Variants in SYT12 observed in about 807,000 individuals in gnomAD.
The protein encoded by SYT12 is synaptotagmin 12, also known as synaptotagmin-12.
Under a neutral mutation model 39.5 loss-of-function variants are expected in SYT12, and 27 were observed. The ratio of observed to expected loss-of-function variants is 0.68; its 90% CI spans 0.50 to 0.94. The LOEUF (loss-of-function observed/expected upper bound fraction) is 0.94, where lower values mean the gene tolerates loss of function less well. Ranked by LOEUF, SYT12 falls within the 40% of genes least tolerant of loss-of-function variation. The pLI is 0.00. For missense variants in SYT12, 536 were observed against 572.6 expected (o/e 0.94, Z 0.65); for synonymous variants, 233 against 239.7 (o/e 0.97, Z 0.26).
chr11:67,009,936 G>GTTTACATCCTC (rs1374684771), exon 2 of SYT12: 2 of 152,350 alleles, frequency 1.3e-5, no homozygotes, highest in African/African-American at 2.4e-5. Flanking sequence ...AGGATGAAGA[G>GTTTACATCCTC]TTTACATCCT....
chr11:67,009,178 G>C (rs1257616758), intron 1 of SYT12, among the ~76,000 whole-genome samples: 1 of 152,064 alleles, frequency 6.6e-6, no homozygotes, highest in Non-Finnish European at 1.5e-5. Flanking sequence ...GCTAATTTTT[G>C]TATTTTTTGT....
At chr11:67,039,674 T>G in intron 3 of SYT12, 137 bp from the exon 4 acceptor site, 1 of 1,073,038 alleles carries the variant, frequency 9.3e-7, no homozygotes. Flanking sequence ...CCTTCCTAGC[T>G]AAGGGATGCA....
intron 2 of SYT12, among the ~76,000 whole-genome samples, chr11:67,010,364 G>A (rs943931946): frequency 1.3e-5 from 2 of 152,168 alleles, no homozygotes; most frequent in African/African-American, 4.8e-5. Flanking sequence ...CCTTGCCCAG[G>A]TCCAGGCTCC....
intron 4 of SYT12, 86 bp downstream of exon 4, chr11:67,040,289 A>G (rs1950485553): frequency 6.7e-7 from 1 of 1,499,668 alleles, no homozygotes; most frequent in Non-Finnish European, 8.9e-7. Context: ...GCCCGGCAGG[A>G]TCCCAGAAAG....
At chr11:67,034,494 G>A (rs1245838273) in intron 2 of SYT12, 151 bp from the exon 3 acceptor site, 1 of 637,268 alleles carries the variant, frequency 1.6e-6, no homozygotes, top group African/African-American at 1.9e-5. Flanking sequence ...ACACAGGAAA[G>A]TGTATGTCTT....
At chr11:67,029,884 A>G (rs1326464329) in intron 1 of SYT12, 2 of 468,222 alleles carry the variant, frequency 4.3e-6, no homozygotes, top group African/African-American at 2.0e-5. Flanking sequence ...AAAATCTGAA[A>G]TTCACATGCC....
chr11:67,045,510 G>C (rs1290492434), intron 6 of SYT12: 1 of 576,268 alleles, frequency 1.7e-6, no homozygotes, highest in Non-Finnish European at 3.0e-6. Flanking sequence ...GGAGCGCGTG[G>C]GCTGTGAGGC....
At chr11:67,024,533 C>T (rs1591357093) in intron 1 of SYT12, among the ~76,000 whole-genome samples, 1 of 152,148 alleles carries the variant, frequency 6.6e-6, no homozygotes, top group African/African-American at 2.4e-5. Flanking sequence ...AGGCTGGCAG[C>T]GCTGCCCACA....
intron 1 of SYT12, among the ~76,000 whole-genome samples, chr11:67,025,642 G>T (rs1950171400): frequency 6.6e-6 from 1 of 152,176 alleles, no homozygotes; most frequent in African/African-American, 2.4e-5. Context: ...GGTCCCAGGT[G>T]AGACAGAGTC....
intron 7 of SYT12, among the ~76,000 whole-genome samples, chr11:67,046,189 A>G (rs1054653608): frequency 6.6e-6 from 1 of 151,922 alleles, no homozygotes; most frequent in Non-Finnish European, 1.5e-5. Context: ...GGTGGAGGGA[A>G]CTGCAGAGGG....
intron 4 of SYT12, among the ~76,000 whole-genome samples, chr11:67,043,294 G>T (rs556825568): frequency 2.0e-5 from 3 of 152,226 alleles, no homozygotes; most frequent in South Asian, 4.1e-4. Context: ...TCCACTGCTT[G>T]CCTGGCCTAG....
upstream of SYT12, among the ~76,000 whole-genome samples, chr11:67,019,434 T>G (rs1452690967): frequency 2.0e-5 from 3 of 150,820 alleles, no homozygotes. Flanking sequence ...ATCGTGCCAT[T>G]GCACTCCAGC....
intron 1 of SYT12, chr11:67,029,343 C>T (rs190693210): frequency 2.0e-5 from 3 of 152,360 alleles, no homozygotes; most frequent in East Asian, 3.9e-4. Context: ...TGAAGGAAGG[C>T]TCTGGCTCAA....
At chr11:67,036,201 A>C (rs578169390) in intron 3 of SYT12, among the ~76,000 whole-genome samples, 1 of 152,122 alleles carries the variant, frequency 6.6e-6, no homozygotes, top group South Asian at 2.1e-4. Flanking sequence ...ACAGGCATGC[A>C]CTACCGTGCC....
chr11:67,016,542 A>G (rs1950061110), intron 3 of SYT12, among the ~76,000 whole-genome samples: 1 of 152,208 alleles, frequency 6.6e-6, no homozygotes, highest in Admixed American at 6.5e-5. Context: ...GTGTTTCTTT[A>G]AATATGCTAA....
intron 6 of SYT12, 30 bp downstream of exon 6, chr11:67,044,743 C>CA: frequency 6.2e-7 from 1 of 1,611,702 alleles, no homozygotes; most frequent in Non-Finnish European, 8.5e-7. Flanking sequence ...CCGGCTCCTC[C>CA]ACGTAGCTCA....
At chr11:67,041,205 G>T (rs1335351818) in intron 4 of SYT12, among the ~76,000 whole-genome samples, 1 of 150,200 alleles carries the variant, frequency 6.7e-6, no homozygotes, top group African/African-American at 2.5e-5. Flanking sequence ...AGGTGCAGTG[G>T]CTCACACCTG....
At chr11:67,015,472 G>A (rs1004873775) in intron 3 of SYT12, among the ~76,000 whole-genome samples, 2 of 151,696 alleles carry the variant, frequency 1.3e-5, no homozygotes, top group Non-Finnish European at 2.9e-5. Context: ...AGGCGGTGGT[G>A]GGGGGTTGTG....
At chr11:67,027,566 A>C (rs1950198696) in intron 1 of SYT12, 2 of 150,596 alleles carry the variant, frequency 1.3e-5, no homozygotes, top group Non-Finnish European at 2.9e-5. Context: ...AGTCATTCAC[A>C]CCCTCACTGA....
Sources: gnomAD v4.1 joint callset for allele counts (sites outside exome capture counted in the v4.1 genomes callset) on GRCh38, gnomAD v4.1.1 for gene constraint, MANE v1.5 for transcripts, NCBI Gene and HGNC (gene_info 2026-07-23, HGNC 2026-07-21) for gene names.